Variants in NEBL observed in about 807,000 individuals in gnomAD.
NEBL encodes the protein LIM and SH3 protein 2.
NEBL carries 122 observed loss-of-function variants against 140.2 expected under a neutral mutation model. That is an observed-to-expected ratio of 0.87 (90% CI 0.75 to 1.01). The LOEUF is 1.01. Among genes scored for constraint, NEBL ranks in the 50% least tolerant of loss-of-function variants. The pLI, the probability that NEBL is intolerant of heterozygous loss-of-function variation, is 0.00. For synonymous variants in NEBL, 436 were observed against 398.9 expected (o/e 1.09, Z -1.11); for missense variants, 1,365 against 1,231.3 (o/e 1.11, Z -1.62).
At chr10:20,965,503 G>T (rs1836265998) in intron 3 of NEBL, among the ~76,000 whole-genome samples, 1 of 152,306 alleles carries the variant, frequency 6.6e-6, no homozygotes, top group African/African-American at 2.4e-5. Flanking sequence ...CCTTTAGAAA[G>T]GTCAAGGAAG....
intron 2 of NEBL, among the ~76,000 whole-genome samples, chr10:21,071,931 G>A (rs989572567): frequency 3.3e-5 from 5 of 152,090 alleles, no homozygotes; most frequent in Admixed American, 2.0e-4. Flanking sequence ...CAATTCTCAT[G>A]CCTCAGTCTA....
intron 4 of NEBL, among the ~76,000 whole-genome samples, chr10:20,927,919 C>A (rs971065455): frequency 6.6e-6 from 1 of 152,146 alleles, no homozygotes; most frequent in African/African-American, 2.4e-5. Context: ...TAGTGTCACC[C>A]AACAGAGATA....
chr10:20,862,837 G>T (rs1443333651), intron 7 of NEBL, among the ~76,000 whole-genome samples: 1 of 151,990 alleles, frequency 6.6e-6, no homozygotes, highest in Non-Finnish European at 1.5e-5. Flanking sequence ...TGACTAGTGT[G>T]CCTAGTGGTC....
chr10:21,017,379 T>C (rs990803380), intron 3 of NEBL, among the ~76,000 whole-genome samples: 1 of 152,140 alleles, frequency 6.6e-6, no homozygotes, highest in Non-Finnish European at 1.5e-5. Flanking sequence ...TGGAGCCCAA[T>C]TGCTTCTAAA....
At chr10:21,040,383 A>G (rs1834218004) in intron 2 of NEBL, among the ~76,000 whole-genome samples, 3 of 152,198 alleles carry the variant, frequency 2.0e-5, no homozygotes, top group African/African-American at 7.2e-5. Flanking sequence ...ACAGTTCTGC[A>G]AACTGCACAG....
intron 2 of NEBL, chr10:21,029,075 G>T: frequency 9.1e-7 from 1 of 1,099,978 alleles, no homozygotes; most frequent in Non-Finnish European, 1.4e-6. Flanking sequence ...GAGGACTGGG[G>T]GACTGGTGGA....
At chr10:21,081,732 G>A (rs564511944) in intron 2 of NEBL, among the ~76,000 whole-genome samples, 1 of 152,242 alleles carries the variant, frequency 6.6e-6, no homozygotes, top group African/African-American at 2.4e-5. Context: ...GATAAGTCTG[G>A]AACATCTCTA....
intron 1 of NEBL, among the ~76,000 whole-genome samples, chr10:21,262,275 C>T (rs527960268): frequency 1.6e-4 from 24 of 152,256 alleles, no homozygotes; most frequent in East Asian, 1.2e-3. Context: ...TCTCTGAATA[C>T]GCCATCACGA....
At position 21,223,655 on chromosome 10, in the gene NEBL, A is replaced by T. The variant is rs140299228; in HGVS notation, n.348+24266T>A. 2.4e-3 allele frequency among the ~76,000 whole-genome samples: 367 copies of T among 152,288 alleles called. 1 individual carries two copies. Among genetic ancestry groups the T allele is most frequent in the African/African-American group, 8.5e-3 (353 of 41,550 alleles). ...CTCCATAGTAGTTGTATTAATTTAC[A>T]TTCCCACCAATAGTGTATGAGGGTT... is the stretch of plus-strand genomic sequence containing the variant. On this transcript the variant is annotated intron_variant and non_coding_transcript_variant, in intron 3 of 8. Transcript: ENST00000675702.
At chr10:21,166,239 AAAAAAAGAAAAG>A (rs1219652921) in intron 2 of NEBL, among the ~76,000 whole-genome samples, 13 of 107,478 alleles carry the variant, frequency 1.2e-4, no homozygotes, top group East Asian at 4.0e-4. Flanking sequence ...AAAAAAAAAA[AAAAAAAGAAAAG>A]AAAAAAAAAT....
At position 20,819,411 on chromosome 10, in the gene NEBL, A is replaced by T; in HGVS notation, c.2055+13T>A. ...TGTTTGAGAAAATATAAAAGGAAAC[A>T]GAAACGACTTGCCGCACTCAGCTGC... On this transcript the variant is annotated intron_variant, in intron 20 of 27. Coordinates refer to ENST00000377122, the MANE Select transcript of NEBL (RefSeq NM_006393.3). 1 of 1,614,068 alleles carries T rather than the reference A, an allele frequency of 6.2e-7. No individual in the cohort carries two copies. The highest frequency in any genetic ancestry group is 1.1e-5 in the South Asian group (1 of 91,086).
chr10:21,257,338 T>C (rs1842671448), intron 1 of NEBL, among the ~76,000 whole-genome samples: 1 of 152,208 alleles, frequency 6.6e-6, no homozygotes, highest in African/African-American at 2.4e-5. Flanking sequence ...ACTTTCTTGT[T>C]GTGTATCCTC....
At chr10:21,197,882 C>T (rs1841675867) in intron 3 of NEBL, among the ~76,000 whole-genome samples, 2 of 152,174 alleles carry the variant, frequency 1.3e-5, no homozygotes. Flanking sequence ...ATCTTCCTTA[C>T]CCTGACCAAT....
chr10:21,138,316 C>T (rs1839452027), intron 2 of NEBL, among the ~76,000 whole-genome samples: 1 of 151,296 alleles, frequency 6.6e-6, no homozygotes, highest in Admixed American at 6.6e-5. Context: ...GGAATGATGG[C>T]TTATGGATTC....
intron 4 of NEBL, among the ~76,000 whole-genome samples, chr10:20,926,700 T>C (rs1250850153): frequency 6.6e-6 from 1 of 152,170 alleles, no homozygotes; most frequent in African/African-American, 2.4e-5. Flanking sequence ...GGAGAGTGTG[T>C]CGTCTCGCAT....
At chr10:21,054,223 C>T (rs888635285) in intron 2 of NEBL, among the ~76,000 whole-genome samples, 2 of 152,074 alleles carry the variant, frequency 1.3e-5, no homozygotes, top group South Asian at 2.1e-4. Flanking sequence ...GGTCCACGTA[C>T]CTTTTCTCTT....
chr10:20,840,534 G>T (rs1841315524), intron 13 of NEBL, among the ~76,000 whole-genome samples: 1 of 152,082 alleles, frequency 6.6e-6, no homozygotes, highest in Non-Finnish European at 1.5e-5. Context: ...TTTCTCCAAA[G>T]TGGGGAAACG....
intron 2 of NEBL, among the ~76,000 whole-genome samples, chr10:21,091,184 A>G (rs1337531793): frequency 6.6e-6 from 1 of 152,126 alleles, no homozygotes; most frequent in African/African-American, 2.4e-5. Flanking sequence ...TCAAGAAAAC[A>G]AGTTCGTGTT....
intron 4 of NEBL, among the ~76,000 whole-genome samples, chr10:20,911,222 T>C (rs1006088297): frequency 6.6e-6 from 1 of 152,166 alleles, no homozygotes; most frequent in Non-Finnish European, 1.5e-5. Flanking sequence ...GTAAGTCCTT[T>C]ACACATCTTA....
Sources: allele counts gnomAD v4.1 joint callset (sites outside exome capture counted in the v4.1 genomes callset), GRCh38; gene constraint gnomAD v4.1.1; transcripts MANE v1.5; gene names NCBI Gene and HGNC (gene_info 2026-07-23, HGNC 2026-07-21).